KIAA0586: variants seen among roughly 807,000 people sequenced by gnomAD.
KIAA0586 encodes KIAA0586.
In KIAA0586, 144 loss-of-function variants were observed where a neutral mutation model predicts 169.8. The observed-to-expected ratio is 0.85, with a 90% CI of 0.74 to 0.97. The LOEUF (loss-of-function observed/expected upper bound fraction) is 0.97, where lower values mean the gene tolerates loss of function less well. KIAA0586 is among the 50% of genes least tolerant of loss of function. The probability of loss-of-function intolerance (pLI) is 0.00; values close to 1 mark genes in which losing one functional copy is unlikely to be tolerated. For synonymous variants in KIAA0586, 625 were observed against 612.4 expected, an observed-to-expected ratio of 1.02 and a Z score of -0.30; for missense variants, 1,854 against 1,823.0, an observed-to-expected ratio of 1.02 and a Z score of -0.31.
At chr14:58,477,352 C>G (rs1221537911) in intron 20 of KIAA0586, 111 bp downstream of exon 20, 1 of 611,944 alleles carries the variant, frequency 1.6e-6, no homozygotes, top group East Asian at 2.7e-5. Context: ...AAAAGGTAAG[C>G]TCTTCTAACC....
In KIAA0586 at chr14:58,465,783, A is replaced by T. The variant is rs76898260; in HGVS notation, c.2060-52A>T. ...CTGTTGTATTTCTAGATGTCTGGAT[A>T]GTAGATATTCTAACAATATTTTAAA... On this transcript the variant is annotated intron_variant, in intron 14 of 30. Coordinates refer to ENST00000652326, the MANE Select transcript of KIAA0586 (RefSeq NM_001329943.3). The T allele has an allele frequency of 1.4e-3, 1,568 of 1,126,682 alleles. 15 individuals carry two copies. In the African/African-American group the frequency reaches 0.02, roughly 15 times the overall value. The allele number at this position is 1,126,682 out of a possible 1,614,324, so 69.8% of individuals were successfully genotyped here.
downstream of KIAA0586, among the ~76,000 whole-genome samples, chr14:58,554,046 C>T (rs2047231251): frequency 1.3e-5 from 2 of 152,054 alleles, no homozygotes; most frequent in Non-Finnish European, 2.9e-5. Context: ...ATGGAGGTAA[C>T]TGGGTCATGT....
At chr14:58,447,664 A>G (rs892521406) in intron 6 of KIAA0586, among the ~76,000 whole-genome samples, 1 of 151,716 alleles carries the variant, frequency 6.6e-6, no homozygotes, top group Non-Finnish European at 1.5e-5. Flanking sequence ...TATTTTTAGG[A>G]GAGACGGGGT....
In KIAA0586 at chr14:58,466,178, A is replaced by G. The variant is rs2040761113; in HGVS notation, c.2254+149A>G. On this transcript the variant is annotated intron_variant, in intron 15 of 30. Coordinates refer to ENST00000652326, the MANE Select transcript of KIAA0586 (RefSeq NM_001329943.3). ...CAGTCCACCCACCTCAACCTCTCAAAGTGCTGGGATTACAGGCGTGAGGCA... is the reference window on the plus strand; with the variant it reads ...CAGTCCACCCACCTCAACCTCTCAAGGTGCTGGGATTACAGGCGTGAGGCA... The G allele has an allele frequency of 5.2e-6, 3 of 574,124 alleles. No homozygotes were observed. In the South Asian group the frequency reaches 7.9e-5, roughly 15 times the overall value. The allele number at this position is 574,124 out of a possible 1,614,324, so 35.6% of individuals were successfully genotyped here. A position where few individuals can be genotyped will look rare whatever the true frequency, so the allele number is the denominator to read the frequency against.
rs2046186065 is a variant in KIAA0586 at position 58,534,835 on chromosome 14, C to CTG, written c.4430-5236_4430-5235insTG. Among the ~76,000 whole-genome samples, 4 of 152,200 alleles carry CTG rather than the reference C, an allele frequency of 2.6e-5. No homozygotes were observed. The South Asian group carries it at 6.2e-4, about 24-fold the overall frequency. On this transcript the variant is annotated intron_variant, in intron 29 of 30. Transcript: ENST00000652326. ...ATCATCTTTTAATTGCTGAAACTGCCCTATTGGTTTCTTCCATTTTAACTT... is the reference window on the plus strand; with the variant it reads ...ATCATCTTTTAATTGCTGAAACTGCCTGCTATTGGTTTCTTCCATTTTAACTT...
chr14:58,543,807 C>T (rs2046812566), intron 30 of KIAA0586: 1 of 417,350 alleles, frequency 2.4e-6, no homozygotes, highest in Non-Finnish European at 4.7e-6. Flanking sequence ...TTTTATAGAT[C>T]CGTCTCCCGT....
rs186973729 is a variant in KIAA0586 at position 58,463,978 on chromosome 14, C to T, written c.2060-1857C>T. 55 of 450,396 alleles carry T rather than the reference C, an allele frequency of 1.2e-4. 1 individual carries two copies. In the East Asian group the frequency reaches 3.1e-3, roughly 26 times the overall value. The allele number at this position is 450,396 out of a possible 1,614,324, so 27.9% of individuals were successfully genotyped here. On this transcript the variant is annotated intron_variant, in intron 14 of 30. Transcript: ENST00000652326. ...ACCCCAAGACCTTGCAGGACCTCAC[C>T]TCGGTGGTGTAGACACCCCTGCAGC...
intron 3 of KIAA0586, 81 bp from the exon 4 acceptor site, chr14:58,432,307 A>T (rs2037442738): frequency 1.2e-6 from 1 of 856,836 alleles, no homozygotes. Context: ...CTTTTAGTTA[A>T]AAAAGATTTT....
At chr14:58,516,126 A>G (rs1361371082) in intron 29 of KIAA0586, among the ~76,000 whole-genome samples, 2 of 152,194 alleles carry the variant, frequency 1.3e-5, no homozygotes, top group Non-Finnish European at 2.9e-5. Context: ...CTAAAGGCCA[A>G]GTATAGAACC....
At chr14:58,464,449 A>T (rs1344347191) in intron 14 of KIAA0586, among the ~76,000 whole-genome samples, 2 of 151,808 alleles carry the variant, frequency 1.3e-5, no homozygotes, top group African/African-American at 4.8e-5. Flanking sequence ...CCCACATGTT[A>T]AAAGTAAAAA....
chr14:58,466,687 G>A (rs2040799875), intron 15 of KIAA0586, among the ~76,000 whole-genome samples: 1 of 152,102 alleles, frequency 6.6e-6, no homozygotes, highest in Non-Finnish European at 1.5e-5. Context: ...CAATGATTAT[G>A]CCACTGTACT....
intron 29 of KIAA0586, chr14:58,521,381 C>T: frequency 4.2e-6 from 4 of 944,946 alleles, no homozygotes; most frequent in Non-Finnish European, 6.8e-6. Flanking sequence ...AGGGCTTTGC[C>T]TTTGTTTAGT....
intron 17 of KIAA0586, 75 bp from the exon 18 acceptor site, chr14:58,472,124 T>G: frequency 1.5e-6 from 1 of 674,264 alleles, no homozygotes; most frequent in East Asian, 3.1e-5. Context: ...ATACTATAGG[T>G]GGAAATATGA....
chr14:58,453,141 A>G (rs1023709412), intron 8 of KIAA0586, among the ~76,000 whole-genome samples: 1 of 151,370 alleles, frequency 6.6e-6, no homozygotes, highest in African/African-American at 2.4e-5. Context: ...CTGGTCTCGA[A>G]CTTCCGACCT....
At chr14:58,557,357 A>G in the KIAA0586 span, among the ~76,000 whole-genome samples, 1,237 of 152,278 alleles carry the variant, frequency 8.1e-3, 14 homozygotes, top group Non-Finnish European at 0.014. Flanking sequence ...ATGATGTGCA[A>G]TTGTGAGGTG....
At chr14:58,544,007 T>C (rs1265235109) in intron 30 of KIAA0586, 2 of 436,290 alleles carry the variant, frequency 4.6e-6, no homozygotes, top group Non-Finnish European at 9.1e-6. Flanking sequence ...TTTCTGCTCC[T>C]CTTCTTCCTC....
intron 24 of KIAA0586, among the ~76,000 whole-genome samples, chr14:58,489,746 T>C (rs2042714720): frequency 6.6e-6 from 1 of 152,130 alleles, no homozygotes; most frequent in Admixed American, 6.6e-5. Context: ...TTAGAATACA[T>C]GCCTAAAAGC....
At chr14:58,514,129 A>G (rs527837783) in intron 29 of KIAA0586, among the ~76,000 whole-genome samples, 1 of 152,264 alleles carries the variant, frequency 6.6e-6, no homozygotes, top group East Asian at 1.9e-4. Context: ...TCTTTATACT[A>G]GAAAATTTCT....
chr14:58,555,828 T>G (rs2047238154), downstream of KIAA0586, among the ~76,000 whole-genome samples: 1 of 152,200 alleles, frequency 6.6e-6, no homozygotes, highest in Admixed American at 6.5e-5. Flanking sequence ...GAGCCAATTA[T>G]AGCTTGTCTA....
Sources: gnomAD v4.1 joint callset for allele counts (sites outside exome capture counted in the v4.1 genomes callset) on GRCh38, gnomAD v4.1.1 for gene constraint, MANE v1.5 for transcripts, NCBI Gene and HGNC (gene_info 2026-07-23, HGNC 2026-07-21) for gene names.